SEMA6D: variants seen among roughly 807,000 people sequenced by gnomAD.
SEMA6D encodes the protein semaphorin 6D, also known as semaphorin-6D.
A neutral mutation model predicts 106.6 loss-of-function variants in SEMA6D; 35 were observed. The ratio of observed to expected loss-of-function variants is 0.33; its 90% CI spans 0.25 to 0.44. SEMA6D has a LOEUF of 0.44. Among genes scored for constraint, SEMA6D ranks in the 20% least tolerant of loss-of-function variants. The pLI is 1.00. For missense variants in SEMA6D, 1,185 were observed against 1,345.9 expected (o/e 0.88, Z 1.87); for synonymous variants, 499 against 487.7 (o/e 1.02, Z -0.31).
At chr15:47,322,097 G>A (rs2036945083) in intron 1 of SEMA6D, among the ~76,000 whole-genome samples, 1 of 151,998 alleles carries the variant, frequency 6.6e-6, no homozygotes, top group Non-Finnish European at 1.5e-5. Context: ...CAGGCGGATG[G>A]CAATTTTCCC....
chr15:47,721,267 C>T (rs2079406636), intron 1 of SEMA6D, among the ~76,000 whole-genome samples: 2 of 152,206 alleles, frequency 1.3e-5, no homozygotes. Flanking sequence ...ATTATCCATA[C>T]CAGATATTTG....
chr15:47,405,700 TG>T (rs2040542457), intron 1 of SEMA6D, among the ~76,000 whole-genome samples: 1 of 152,190 alleles, frequency 6.6e-6, no homozygotes, highest in Non-Finnish European at 1.5e-5. Flanking sequence ...CTCATCTAGC[TG>T]GGGGCCTCAT....
chr15:47,441,038 G>T (rs941183234), intron 2 of SEMA6D, among the ~76,000 whole-genome samples: 1 of 151,888 alleles, frequency 6.6e-6, no homozygotes, highest in African/African-American at 2.4e-5. Context: ...CTGACATTCC[G>T]CTTGACACTT....
chr15:47,446,024 T>C (rs570278598), intron 2 of SEMA6D, among the ~76,000 whole-genome samples: 75 of 152,268 alleles, frequency 4.9e-4, no homozygotes, highest in African/African-American at 1.8e-3. Context: ...GGAAAATGTG[T>C]AATCCTTGTG....
chr15:47,673,409 C>G (rs763241591), intron 4 of SEMA6D, among the ~76,000 whole-genome samples: 2 of 152,180 alleles, frequency 1.3e-5, no homozygotes, highest in African/African-American at 2.4e-5. Flanking sequence ...ACTCCTCCCC[C>G]TCCTCCTTCC....
rs186519027 is a variant in SEMA6D at position 47,380,005 on chromosome 15, C to T, written c.-238-32388C>T. 3.6e-3 allele frequency among the ~76,000 whole-genome samples: 551 copies of T among 152,282 alleles called. 3 individuals carry two copies. Among genetic ancestry groups the T allele is most frequent in the Non-Finnish European group, 4.2e-3 (286 of 68,036 alleles). ...CTCCGGACCTCAGGTAATCGCCTGC[C>T]TCGGCCTCCCAAAGTGCTGGGATTA... is the stretch of plus-strand genomic sequence containing the variant. On this transcript the variant is annotated intron_variant, in intron 1 of 19. Transcript: ENST00000558014.
chr15:47,372,914 A>G (rs1366346585), intron 1 of SEMA6D, among the ~76,000 whole-genome samples: 1 of 152,216 alleles, frequency 6.6e-6, no homozygotes, highest in African/African-American at 2.4e-5. Flanking sequence ...ATTGTGTGTC[A>G]CAAGAAACAT....
intron 3 of SEMA6D, among the ~76,000 whole-genome samples, chr15:47,588,679 T>C (rs544543435): frequency 3.9e-5 from 6 of 152,218 alleles, no homozygotes; most frequent in African/African-American, 1.4e-4. Flanking sequence ...GCTCCGTCTG[T>C]GAAGGAAAAA....
chr15:47,693,895 A>T (rs1267103689), intron 4 of SEMA6D, among the ~76,000 whole-genome samples: 1 of 152,122 alleles, frequency 6.6e-6, no homozygotes, highest in South Asian at 2.1e-4. Flanking sequence ...GTGAGCCGTG[A>T]TCGCACCACG....
At chr15:47,284,773 G>A (rs919779393) in intron 1 of SEMA6D, among the ~76,000 whole-genome samples, 4 of 152,230 alleles carry the variant, frequency 2.6e-5, no homozygotes, top group South Asian at 2.1e-4. Context: ...TATAACAACC[G>A]TGATTTCCTT....
intron 15 of SEMA6D, 115 bp from the exon 16 acceptor site, chr15:47,766,501 T>A: frequency 2.3e-6 from 2 of 865,642 alleles, no homozygotes; most frequent in Non-Finnish European, 3.7e-6. Context: ...TTTTTTTTTT[T>A]TCTCTCTCTG....
chr15:47,307,381 G>A (rs1372170788), intron 1 of SEMA6D, among the ~76,000 whole-genome samples: 1 of 152,186 alleles, frequency 6.6e-6, no homozygotes, highest in East Asian at 1.9e-4. Context: ...CCTGGAAAAA[G>A]ATTAAAAATG....
At chr15:47,649,430 C>T (rs1284947591) in intron 4 of SEMA6D, among the ~76,000 whole-genome samples, 5 of 152,068 alleles carry the variant, frequency 3.3e-5, no homozygotes, top group Admixed American at 6.5e-5. Flanking sequence ...CCTCAGAGAC[C>T]TTCACAAAAA....
At chr15:47,410,706 A>G (rs1004582927) in intron 1 of SEMA6D, among the ~76,000 whole-genome samples, 14 of 152,128 alleles carry the variant, frequency 9.2e-5, no homozygotes, top group African/African-American at 2.9e-4. Context: ...GCCCAGACCT[A>G]TTGATTCAGA....
intron 2 of SEMA6D, among the ~76,000 whole-genome samples, chr15:47,425,972 A>G (rs927442694): frequency 6.6e-6 from 1 of 152,102 alleles, no homozygotes; most frequent in African/African-American, 2.4e-5. Flanking sequence ...TGTATTGGCT[A>G]TAGGCAGGTG....
chr15:47,747,224 A>C (rs1322161690), intron 1 of SEMA6D, among the ~76,000 whole-genome samples: 2 of 152,100 alleles, frequency 1.3e-5, no homozygotes, highest in Non-Finnish European at 2.9e-5. Flanking sequence ...AATTTGAGTT[A>C]GGGCAGAAAG....
Position 47,617,952 on chromosome 15 carries a change from C to T in SEMA6D, c.-55+17056C>T, listed in dbSNP as rs1288858850. Among the ~76,000 whole-genome samples the T allele has an allele frequency of 3.9e-5, 6 of 152,192 alleles. No individual in the cohort carries two copies. In the South Asian group the frequency reaches 6.2e-4, roughly 16 times the overall value. On this transcript the variant is annotated intron_variant, in intron 4 of 19. Transcript: ENST00000558014. Reference sequence around the variant, plus strand: ...TTGGTATGGTCCTGATAAGATGTCTCGTCTAATTCCTTGTCTCTTCTCCCT... The same window carrying T: ...TTGGTATGGTCCTGATAAGATGTCTTGTCTAATTCCTTGTCTCTTCTCCCT...
intron 1 of SEMA6D, among the ~76,000 whole-genome samples, chr15:47,732,007 C>T (rs1271641570): frequency 6.6e-6 from 1 of 152,142 alleles, no homozygotes; most frequent in East Asian, 1.9e-4. Flanking sequence ...ATCACTAGAC[C>T]TCCGAGTCTA....
intron 3 of SEMA6D, among the ~76,000 whole-genome samples, chr15:47,590,321 A>C (rs796552477): frequency 1.0e-4 from 15 of 143,606 alleles, no homozygotes; most frequent in African/African-American, 3.8e-4. Context: ...ATAGGTGGGA[A>C]TTGAGCAATG....
Sources: gnomAD v4.1 joint callset for allele counts (sites outside exome capture counted in the v4.1 genomes callset) on GRCh38, gnomAD v4.1.1 for gene constraint, MANE v1.5 for transcripts, NCBI Gene and HGNC (gene_info 2026-07-23, HGNC 2026-07-21) for gene names.